PCLO: variants seen among roughly 807,000 people sequenced by gnomAD.
PCLO encodes the protein protein piccolo.
A neutral mutation model predicts 427.5 loss-of-function variants in PCLO; 82 were observed. That is an observed-to-expected ratio of 0.19 (90% CI 0.16 to 0.23). PCLO has a LOEUF of 0.23. Among genes scored for constraint, PCLO ranks in the 10% least tolerant of loss-of-function variants. The pLI, the probability that PCLO is intolerant of heterozygous loss-of-function variation, is 1.00. For synonymous variants in PCLO, 2,357 were observed against 2,155.4 expected (o/e 1.09, Z -2.59); for missense variants, 6,239 against 6,115.9 (o/e 1.02, Z -0.67).
chr7:82,864,827 G>T (rs1480418653), intron 10 of PCLO, among the ~76,000 whole-genome samples: 3 of 151,944 alleles, frequency 2.0e-5, no homozygotes, highest in African/African-American at 7.3e-5. Flanking sequence ...AATAAGACAG[G>T]AATTCAAAAT....
In PCLO at chr7:82,758,502, C is replaced by T; in HGVS notation, c.*73G>A. 1 of 1,316,368 alleles carries T rather than the reference C, an allele frequency of 7.6e-7. No homozygotes were observed. Among genetic ancestry groups the T allele is most frequent in the Non-Finnish European group, 1.0e-6 (1 of 954,246 alleles). 81.5% of individuals were successfully genotyped at this position (1,316,368 alleles called of 1,614,324 possible). A position where few individuals can be genotyped will look rare whatever the true frequency, so the allele number is the denominator to read the frequency against. On this transcript the variant is annotated 3_prime_UTR_variant, in exon 25 of 25. Coordinates refer to ENST00000333891, the MANE Select transcript of PCLO (RefSeq NM_033026.6). ...TTGCCTCTCAAAACTTAGCTTTGTA[C>T]AATAGTATTCAACTATAGTCTTGAT...
intron 3 of PCLO, among the ~76,000 whole-genome samples, chr7:83,101,907 T>C (rs886075740): frequency 1.3e-5 from 2 of 152,112 alleles, no homozygotes; most frequent in Non-Finnish European, 2.9e-5. Flanking sequence ...CACTTTTTTT[T>C]CTGAGGAGAT....
intron 3 of PCLO, among the ~76,000 whole-genome samples, chr7:83,045,180 G>T (rs1789074539): frequency 6.6e-6 from 1 of 152,058 alleles, no homozygotes; most frequent in African/African-American, 2.4e-5. Context: ...AGTCTTGGGT[G>T]GTAAACTGTT....
intron 9 of PCLO, chr7:82,880,370 T>A (rs1348067252): frequency 1.0e-5 from 4 of 396,488 alleles, no homozygotes; most frequent in Non-Finnish European, 2.0e-5. Context: ...AACAAACACA[T>A]ATTAATCATG....
rs931624304 is a variant in PCLO, at chr7:83,125,024, G to A, written c.3300+9226C>T. 7.9e-5 allele frequency among the ~76,000 whole-genome samples: 12 copies of A among 152,304 alleles called. No individual in the cohort carries two copies. In the East Asian group the frequency reaches 1.9e-3, roughly 25 times the overall value. On this transcript the variant is annotated intron_variant, in intron 3 of 24. Coordinates refer to ENST00000333891, the MANE Select transcript of PCLO (RefSeq NM_033026.6). ...GCCCGCCTTGGCCTCCCGAGGTGCT[G>A]GGATTACAGACGGAGTCTCGCTTAC... is the stretch of plus-strand genomic sequence containing the variant.
chr7:83,050,680 G>T (rs999630530), intron 3 of PCLO, among the ~76,000 whole-genome samples: 1 of 151,128 alleles, frequency 6.6e-6, no homozygotes, highest in African/African-American at 2.4e-5. Context: ...GAGGTGGGTG[G>T]ATCACCTGAG....
At chr7:83,067,892 C>T (rs1364075496) in intron 3 of PCLO, among the ~76,000 whole-genome samples, 3 of 55,994 alleles carry the variant, frequency 5.4e-5, no homozygotes, top group Admixed American at 2.1e-4. Context: ...ATAAGGAATG[C>T]TTCTGGGGTA....
At chr7:83,091,065 A>C (rs1790366032) in intron 3 of PCLO, among the ~76,000 whole-genome samples, 1 of 152,122 alleles carries the variant, frequency 6.6e-6, no homozygotes, top group South Asian at 2.1e-4. Flanking sequence ...CACCTATTTT[A>C]GTTTCCTAGA....
chr7:83,116,487 T>C (rs1791135751), intron 3 of PCLO, among the ~76,000 whole-genome samples: 1 of 152,192 alleles, frequency 6.6e-6, no homozygotes, highest in Non-Finnish European at 1.5e-5. Context: ...CTTTTCTCTT[T>C]TTAAATTTTT....
intron 3 of PCLO, among the ~76,000 whole-genome samples, chr7:83,008,570 G>A (rs892932853): frequency 2.9e-5 from 2 of 68,224 alleles, no homozygotes; most frequent in South Asian, 5.2e-4. Flanking sequence ...CAAAGTTCAC[G>A]GTCTTTCCAC....
chr7:82,784,904 A>T (rs907748951), intron 22 of PCLO, among the ~76,000 whole-genome samples: 2 of 152,178 alleles, frequency 1.3e-5, no homozygotes, highest in Non-Finnish European at 2.9e-5. Context: ...TTACCTGCCT[A>T]TAATATATTT....
intron 3 of PCLO, among the ~76,000 whole-genome samples, chr7:82,976,030 A>C (rs2115736433): frequency 6.6e-6 from 1 of 152,290 alleles, no homozygotes; most frequent in African/African-American, 2.4e-5. Context: ...GAAACTGTCT[A>C]ATACAGTTTA....
chr7:82,888,478 A>G (rs137977307), intron 9 of PCLO, among the ~76,000 whole-genome samples: 2 of 152,290 alleles, frequency 1.3e-5, no homozygotes, highest in African/African-American at 4.8e-5. Context: ...AATATATCAC[A>G]TTTGAGAACA....
chr7:82,948,311 T>C (rs868864603), intron 6 of PCLO, among the ~76,000 whole-genome samples: 1 of 150,922 alleles, frequency 6.6e-6, no homozygotes, highest in Non-Finnish European at 1.5e-5. Flanking sequence ...AAAAACGTAA[T>C]AACGCAATTC....
chr7:82,939,646 A>AAT (rs370300134), intron 6 of PCLO, among the ~76,000 whole-genome samples: 126 of 146,964 alleles, frequency 8.6e-4, no homozygotes, highest in South Asian at 6.7e-3. Context: ...TTCCACTGGA[A>AAT]ATATATATAT....
chr7:82,826,440 C>T, intron 18 of PCLO, 149 bp downstream of exon 18: 1 of 529,364 alleles, frequency 1.9e-6, no homozygotes. Flanking sequence ...TTAATCTACT[C>T]AAATAGTAAA....
intron 3 of PCLO, among the ~76,000 whole-genome samples, chr7:83,086,604 G>C (rs896488206): frequency 2.6e-5 from 4 of 151,978 alleles, no homozygotes; most frequent in Non-Finnish European, 4.4e-5. Flanking sequence ...TCATGAGTAC[G>C]GCATTAATCT....
intron 3 of PCLO, among the ~76,000 whole-genome samples, chr7:83,004,091 A>G (rs964308578): frequency 1.3e-5 from 2 of 151,704 alleles, no homozygotes; most frequent in Non-Finnish European, 3.0e-5. Flanking sequence ...CCACATTCTC[A>G]ATGATGAAAA....
intron 10 of PCLO, among the ~76,000 whole-genome samples, chr7:82,875,649 C>T (rs992224885): frequency 1.3e-5 from 2 of 152,022 alleles, no homozygotes; most frequent in African/African-American, 4.8e-5. Flanking sequence ...GTCTATGCCA[C>T]TGAGTGCTGC....
Sources: allele counts gnomAD v4.1 joint callset (sites outside exome capture counted in the v4.1 genomes callset), GRCh38; gene constraint gnomAD v4.1.1; transcripts MANE v1.5; gene names NCBI Gene and HGNC (gene_info 2026-07-23, HGNC 2026-07-21).